ELMOD2: variants seen among roughly 807,000 people sequenced by gnomAD.
The protein encoded by ELMOD2 is ELMO domain containing 2.
Under a neutral mutation model 41.0 loss-of-function variants are expected in ELMOD2, and 28 were observed. That is an observed-to-expected ratio of 0.68 (90% CI 0.51 to 0.94). The LOEUF is 0.94. ELMOD2 is among the 40% of genes least tolerant of loss of function. The pLI is 0.00. For missense variants in ELMOD2, 333 were observed against 343.1 expected, an observed-to-expected ratio of 0.97 and a Z score of 0.23; for synonymous variants, 106 against 107.2, an observed-to-expected ratio of 0.99 and a Z score of 0.07.
intron 3 of ELMOD2, among the ~76,000 whole-genome samples, chr4:140,533,266 C>T (rs184138530): frequency 2.5e-4 from 38 of 152,244 alleles, no homozygotes; most frequent in Middle Eastern, 3.4e-3. Flanking sequence ...GAATAGCCCA[C>T]GTAACCTTCT....
At chr4:140,544,737 T>G (rs1221382085) in intron 8 of ELMOD2, among the ~76,000 whole-genome samples, 1 of 152,204 alleles carries the variant, frequency 6.6e-6, no homozygotes, top group African/African-American at 2.4e-5. Context: ...CTCTTGACTC[T>G]GTGCCTTTGC....
chr4:140,527,575 G>T, intron 3 of ELMOD2, 81 bp downstream of exon 3: 1 of 1,209,502 alleles, frequency 8.3e-7, no homozygotes, highest in Non-Finnish European at 1.2e-6. Context: ...TGCCCTGCTA[G>T]AAGAGTGTTT....
At chr4:140,524,426 C>G in intron 1 of ELMOD2, 146 bp downstream of exon 1, 1 of 228,852 alleles carries the variant, frequency 4.4e-6, no homozygotes, top group Non-Finnish European at 7.2e-6. Context: ...CCCTCCCATT[C>G]GCGGGCGGCG....
chr4:140,541,105 A>T (rs1187222621), intron 6 of ELMOD2, among the ~76,000 whole-genome samples: 1 of 152,222 alleles, frequency 6.6e-6, no homozygotes, highest in African/African-American at 2.4e-5. Context: ...ATGTAAGTGA[A>T]GTCACAATTG....
At chr4:140,524,978 A>C (rs1241742148) in intron 1 of ELMOD2, 1 of 155,916 alleles carries the variant, frequency 6.4e-6, no homozygotes, top group African/African-American at 2.4e-5. Context: ...AATTATCCAC[A>C]TGGGATAAGA....
intron 3 of ELMOD2, 67 bp downstream of exon 3, chr4:140,527,561 A>G: frequency 7.2e-7 from 1 of 1,389,240 alleles, no homozygotes; most frequent in East Asian, 2.3e-5. Context: ...TAAAAAAAAA[A>G]AAGTGCCCTG....
rs970225558 is a variant in ELMOD2 at position 140,552,223 on chromosome 4, A to G, written c.*1848A>G. ...ACAGCTGAGAGCTTGAACTGATTTA[A>G]ACATTTGTCAATATACTTAAGAATG... On this transcript the variant is annotated 3_prime_UTR_variant, in exon 9 of 9. Transcript: ENST00000323570. 2.0e-5 allele frequency: 3 copies of G among 152,074 alleles called. No homozygotes were observed. The highest frequency in any genetic ancestry group is 7.2e-5 in the African/African-American group (3 of 41,456). The allele number at this position is 152,074 out of a possible 1,614,324, so 9.4% of individuals were successfully genotyped here.
intron 8 of ELMOD2, among the ~76,000 whole-genome samples, chr4:140,546,757 C>A (rs1735300608): frequency 6.6e-6 from 1 of 152,064 alleles, no homozygotes; most frequent in Non-Finnish European, 1.5e-5. Flanking sequence ...ACTTGAGGAT[C>A]TGTGGGAACT....
intron 2 of ELMOD2, 142 bp downstream of exon 2, chr4:140,525,712 C>A: frequency 2.6e-6 from 2 of 782,708 alleles, no homozygotes; most frequent in Non-Finnish European, 3.6e-6. Flanking sequence ...CCCGCTTTGA[C>A]TCCTTCAGCT....
intron 4 of ELMOD2, 137 bp from the exon 5 acceptor site, chr4:140,537,275 A>C: frequency 1.6e-6 from 1 of 644,948 alleles, no homozygotes. Flanking sequence ...TTTTGTATTT[A>C]AGGTGGCCTT....
chr4:140,544,190 G>A (rs375112689), intron 8 of ELMOD2, among the ~76,000 whole-genome samples: 2 of 152,234 alleles, frequency 1.3e-5, no homozygotes, highest in African/African-American at 4.8e-5. Context: ...TCTTCACACA[G>A]TACTTTTCTT....
intron 6 of ELMOD2, among the ~76,000 whole-genome samples, chr4:140,540,583 G>A (rs1037581627): frequency 6.6e-6 from 1 of 151,954 alleles, no homozygotes; most frequent in Admixed American, 6.6e-5. Context: ...GTGAGACCCT[G>A]TCTCTACAAA....
At position 140,525,539 on chromosome 4, in the gene ELMOD2, C is replaced by T. The variant is rs752272494; in HGVS notation, c.111C>T (p.Thr37=). The change falls in exon 2 of 9, where the codon ACC becomes ACT. Residue 37 remains threonine (T), a synonymous_variant. Coordinates refer to ENST00000323570, the MANE Select transcript of ELMOD2 (RefSeq NM_153702.4). ...GTGAATTGCAGCGAATATTTGATACCTATGTAGGTGCACAAAGGACACACA... is the reference window on the plus strand; with the variant it reads ...GTGAATTGCAGCGAATATTTGATACTTATGTAGGTGCACAAAGGACACACA... ...GKCELQRIFD[T]YVGAQRTHRI... 4.0e-5 allele frequency: 65 copies of T among 1,613,302 alleles called. No individual in the cohort carries two copies. The highest frequency in any genetic ancestry group is 5.4e-5 in the Non-Finnish European group (64 of 1,179,768).
At chr4:140,533,960 ACAC>A (rs1734830896) in intron 3 of ELMOD2, among the ~76,000 whole-genome samples, 1 of 152,170 alleles carries the variant, frequency 6.6e-6, no homozygotes, top group Admixed American at 6.5e-5. Flanking sequence ...TAGACGAACA[ACAC>A]TAATGTTGGA....
At chr4:140,542,537 C>T (rs575335988) in intron 6 of ELMOD2, 37 bp from the exon 7 acceptor site, 15 of 1,456,474 alleles carry the variant, frequency 1.0e-5, no homozygotes, top group East Asian at 2.3e-5. Context: ...ATTTGAATGG[C>T]GTACATTTGT....
At position 140,543,665 on chromosome 4, in the gene ELMOD2, A is replaced by G. The variant is rs1364697092; in HGVS notation, c.736+79A>G. On this transcript the variant is annotated intron_variant, in intron 8 of 8. Transcript: ENST00000323570. ...CTAGGAATGTATAATATATATTTTA[A>G]TCTGTTGTCTCTGTGAAGTATATAA... The G allele has an allele frequency of 7.1e-6, 8 of 1,123,166 alleles. No individual in the cohort carries two copies. The East Asian group carries it at 1.8e-4, about 25-fold the overall frequency. 69.6% of individuals were successfully genotyped at this position (1,123,166 alleles called of 1,614,324 possible).
At chr4:140,549,934 A>C (rs2110889164) in intron 8 of ELMOD2, among the ~76,000 whole-genome samples, 1 of 151,890 alleles carries the variant, frequency 6.6e-6, no homozygotes, top group South Asian at 2.1e-4. Context: ...CGATCTGCCC[A>C]CCTAAGTCTC....
At chr4:140,540,746 A>G (rs1220246646) in intron 6 of ELMOD2, among the ~76,000 whole-genome samples, 3 of 144,388 alleles carry the variant, frequency 2.1e-5, no homozygotes, top group Admixed American at 7.0e-5. Flanking sequence ...CTGTCTTTAA[A>G]AAAAAAAAAA....
At chr4:140,534,531 A>G (rs1030702626) in intron 3 of ELMOD2, among the ~76,000 whole-genome samples, 6 of 152,190 alleles carry the variant, frequency 3.9e-5, no homozygotes, top group Admixed American at 2.0e-4. Context: ...CACTGTATTT[A>G]AATTATAAAT....
Sources: gnomAD v4.1 joint callset for allele counts (sites outside exome capture counted in the v4.1 genomes callset) on GRCh38, gnomAD v4.1.1 for gene constraint, MANE v1.5 for transcripts, NCBI Gene and HGNC (gene_info 2026-07-23, HGNC 2026-07-21) for gene names.